ESF1: variants seen among roughly 807,000 people sequenced by gnomAD.
ESF1 encodes ESF1 nucleolar pre-rRNA processing protein, also known as ESF1 homolog.
Under a neutral mutation model 92.0 loss-of-function variants are expected in ESF1, and 58 were observed. The ratio of observed to expected loss-of-function variants is 0.63; its 90% CI spans 0.51 to 0.78. The LOEUF (loss-of-function observed/expected upper bound fraction) is 0.78. ESF1 is among the 30% of genes least tolerant of loss of function. ESF1 has a pLI of 0.00. For synonymous variants in ESF1, 321 were observed against 313.7 expected, an observed-to-expected ratio of 1.02 and a Z score of -0.24; for missense variants, 922 against 989.1, an observed-to-expected ratio of 0.93 and a Z score of 0.91.
chr20:13,770,655 T>C (rs1390326939), intron 6 of ESF1, among the ~76,000 whole-genome samples: 2 of 152,240 alleles, frequency 1.3e-5, no homozygotes, highest in African/African-American at 2.4e-5. Flanking sequence ...GCTGGCTATA[T>C]TGTATTTTGA....
chr20:13,746,315 T>A (rs1303844781), intron 9 of ESF1, among the ~76,000 whole-genome samples: 1 of 152,180 alleles, frequency 6.6e-6, no homozygotes, highest in Non-Finnish European at 1.5e-5. Flanking sequence ...TATAAATATA[T>A]ACACACATAG....
chr20:13,752,936 A>G (rs1258417738), intron 9 of ESF1, among the ~76,000 whole-genome samples: 2 of 152,136 alleles, frequency 1.3e-5, no homozygotes, highest in Admixed American at 1.3e-4. Context: ...ACAGTAAGAG[A>G]AGTCCTTGCC....
chr20:13,724,603 T>C (rs77712794), intron 11 of ESF1, among the ~76,000 whole-genome samples: 2,529 of 152,312 alleles, frequency 0.017, 20 homozygotes, highest in Non-Finnish European at 0.024. Context: ...AGGAAAAGGT[T>C]CAGAATTGAG....
At chr20:13,777,013 T>A (rs2147778622) in intron 2 of ESF1, among the ~76,000 whole-genome samples, 1 of 152,326 alleles carries the variant, frequency 6.6e-6, no homozygotes, top group East Asian at 1.9e-4. Context: ...GGGAAGACAC[T>A]GCTGTTTTCA....
chr20:13,740,938 G>T (rs1568715076), intron 9 of ESF1, among the ~76,000 whole-genome samples: 1 of 152,070 alleles, frequency 6.6e-6, no homozygotes, highest in African/African-American at 2.4e-5. Context: ...GACGGGGACT[G>T]GCTTGGTGCA....
intron 9 of ESF1, among the ~76,000 whole-genome samples, chr20:13,738,694 T>C (rs1014749695): frequency 3.3e-5 from 5 of 152,166 alleles, no homozygotes; most frequent in Admixed American, 6.5e-5. Flanking sequence ...ATTTGTGGAA[T>C]TGTAAAAATT....
intron 9 of ESF1, among the ~76,000 whole-genome samples, chr20:13,748,550 ATATATATATATATATGTGTG>A (rs1978416902): frequency 4.0e-5 from 1 of 24,762 alleles, no homozygotes; most frequent in African/African-American, 2.0e-4. Context: ...ATGTGTGTGT[ATATATATATATATATGTGTG>A]TGTGTATATA....
At chr20:13,720,957 T>C (rs1016110393) in intron 11 of ESF1, among the ~76,000 whole-genome samples, 10 of 152,088 alleles carry the variant, frequency 6.6e-5, no homozygotes, top group African/African-American at 2.4e-4. Flanking sequence ...TCTGTCTCTA[T>C]TAATAATACA....
At chr20:13,779,644 C>T (rs1483241732) in intron 2 of ESF1, among the ~76,000 whole-genome samples, 1 of 152,198 alleles carries the variant, frequency 6.6e-6, no homozygotes, top group Non-Finnish European at 1.5e-5. Context: ...AAGTGATTCT[C>T]GTGCCTCAGC....
At chr20:13,728,582 A>T (rs909636026) in intron 10 of ESF1, 117 bp from the exon 11 acceptor site, 1 of 843,014 alleles carries the variant, frequency 1.2e-6, no homozygotes, top group African/African-American at 1.7e-5. Flanking sequence ...AAAGTAAATC[A>T]GTGGCCAAGC....
intron 8 of ESF1, among the ~76,000 whole-genome samples, chr20:13,763,697 T>C (rs960258207): frequency 2.6e-5 from 4 of 152,112 alleles, no homozygotes; most frequent in African/African-American, 9.7e-5. Flanking sequence ...CTGTGAACAA[T>C]AAAAAATAAA....
intron 7 of ESF1, among the ~76,000 whole-genome samples, chr20:13,768,747 AT>A: frequency 6.6e-6 from 1 of 151,604 alleles, no homozygotes; most frequent in South Asian, 2.1e-4. Context: ...AAATACAAAA[AT>A]TAGCTGGGTG....
At chr20:13,749,720 C>T (rs1462892162) in intron 9 of ESF1, among the ~76,000 whole-genome samples, 1 of 152,002 alleles carries the variant, frequency 6.6e-6, no homozygotes, top group Non-Finnish European at 1.5e-5. Flanking sequence ...CACGAGCCAC[C>T]ATGCCTGGCT....
intron 9 of ESF1, 67 bp downstream of exon 9, chr20:13,759,625 C>T: frequency 6.5e-7 from 1 of 1,530,354 alleles, no homozygotes; most frequent in Non-Finnish European, 8.7e-7. Flanking sequence ...CCGGCTCCTT[C>T]ATATTTAAAA....
At chr20:13,729,489 G>C (rs994360073) in intron 10 of ESF1, among the ~76,000 whole-genome samples, 1 of 152,156 alleles carries the variant, frequency 6.6e-6, no homozygotes, top group African/African-American at 2.4e-5. Context: ...TGAAGGAGAA[G>C]ATCTGAAGGA....
chr20:13,767,234 T>G (rs1979469570), intron 7 of ESF1, among the ~76,000 whole-genome samples: 1 of 151,868 alleles, frequency 6.6e-6, no homozygotes, highest in African/African-American at 2.4e-5. Flanking sequence ...GGTAAAAGAG[T>G]TAACATTATG....
At chr20:13,766,710 G>A (rs564392368) in intron 8 of ESF1, 67 bp downstream of exon 8, 10 of 1,484,686 alleles carry the variant, frequency 6.7e-6, no homozygotes, top group East Asian at 2.3e-5. Context: ...GACAGAATTT[G>A]GCTTTCCCTG....
rs2147710410 is a variant in ESF1, at chr20:13,714,814, C to T, written c.*60G>A. ...CTTTGTTCCCAATAAATATTCCCTC[C>T]TATTATTTTTGTACATTTTAGGAAA... On this transcript the variant is annotated 3_prime_UTR_variant, in exon 14 of 14. Transcript: ENST00000617257. 2 of 1,321,946 alleles carry T rather than the reference C, an allele frequency of 1.5e-6. No individual in the cohort carries two copies. Among genetic ancestry groups the T allele is most frequent in the Non-Finnish European group, 2.1e-6 (2 of 971,646 alleles). The allele number at this position is 1,321,946 out of a possible 1,614,324, so 81.9% of individuals were successfully genotyped here.
chr20:13,778,348 G>C (rs546186316), intron 2 of ESF1, among the ~76,000 whole-genome samples: 1 of 151,944 alleles, frequency 6.6e-6, no homozygotes, highest in East Asian at 1.9e-4. Flanking sequence ...GAGGTAAGCA[G>C]AATTTACTTT....
Sources: gnomAD v4.1 joint callset for allele counts (sites outside exome capture counted in the v4.1 genomes callset) on GRCh38, gnomAD v4.1.1 for gene constraint, MANE v1.5 for transcripts, NCBI Gene and HGNC (gene_info 2026-07-23, HGNC 2026-07-21) for gene names.